The following ATG7 variants were observed in gnomAD, a reference collection of about 807,000 sequenced individuals.
The protein encoded by ATG7 is ubiquitin-like modifier-activating enzyme ATG7.
In ATG7, 70 loss-of-function variants were observed where a neutral mutation model predicts 82.4. That is an observed-to-expected ratio of 0.85 (90% CI 0.70 to 1.04). ATG7 has a LOEUF of 1.04. Ranked by LOEUF, ATG7 falls within the 50% of genes least tolerant of loss-of-function variation. ATG7 has a pLI of 0.00. For missense variants in ATG7, 792 were observed against 864.3 expected (o/e 0.92, Z 1.05); for synonymous variants, 287 against 313.0 (o/e 0.92, Z 0.88).
intron 9 of ATG7, among the ~76,000 whole-genome samples, chr3:11,323,230 C>T (rs1328826318): frequency 6.6e-6 from 1 of 152,170 alleles, no homozygotes; most frequent in African/African-American, 2.4e-5. Flanking sequence ...GTACTACCAC[C>T]ATGGCCAATT....
At chr3:11,328,010 A>G (rs1041400493) in intron 9 of ATG7, among the ~76,000 whole-genome samples, 2 of 152,124 alleles carry the variant, frequency 1.3e-5, no homozygotes, top group African/African-American at 4.8e-5. Context: ...CAGTTCAGAG[A>G]TGTTTTCTTT....
intron 19 of ATG7, among the ~76,000 whole-genome samples, chr3:11,396,453 TG>T (rs2079284591): frequency 6.6e-6 from 1 of 151,666 alleles, no homozygotes; most frequent in African/African-American, 2.4e-5. Flanking sequence ...AAAAAAAATG[TG>T]GGTAACTCTA....
intron 20 of ATG7, among the ~76,000 whole-genome samples, chr3:11,526,341 G>A (rs1035513529): frequency 6.6e-6 from 1 of 152,068 alleles, no homozygotes; most frequent in Non-Finnish European, 1.5e-5. Flanking sequence ...TTAGTGAGCC[G>A]TGATCACTCC....
chr3:11,500,632 T>A (rs1401476156), intron 20 of ATG7, among the ~76,000 whole-genome samples: 1 of 152,160 alleles, frequency 6.6e-6, no homozygotes, highest in African/African-American at 2.4e-5. Context: ...TTAGGAAAAT[T>A]CTTCAACTTA....
Position 11,297,911 on chromosome 3 carries a change from A to G in ATG7, c.-10-775A>G, listed in dbSNP as rs117725121. 3.0e-4 allele frequency among the ~76,000 whole-genome samples: 45 copies of G among 152,328 alleles called. No individual in the cohort carries two copies. In the East Asian group the frequency reaches 4.6e-3, roughly 16 times the overall value. ...TCTGTGTCGAAGAAGGAATAACAGTAGTGCATCAGTCAGACTGACTCAAGG... is the reference window on the plus strand; with the variant it reads ...TCTGTGTCGAAGAAGGAATAACAGTGGTGCATCAGTCAGACTGACTCAAGG... On this transcript the variant is annotated intron_variant, in intron 3 of 20. Transcript: ENST00000693202.
At chr3:11,521,118 A>C (rs897308489) in intron 20 of ATG7, among the ~76,000 whole-genome samples, 1 of 152,212 alleles carries the variant, frequency 6.6e-6, no homozygotes, top group Non-Finnish European at 1.5e-5. Flanking sequence ...ATGCTGAGAC[A>C]TAGTTCCAAC....
chr3:11,311,372 G>A (rs962764062), intron 7 of ATG7, among the ~76,000 whole-genome samples: 2 of 152,078 alleles, frequency 1.3e-5, no homozygotes, highest in Non-Finnish European at 1.5e-5. Context: ...GGGAGGCCGA[G>A]GTAGGCGGAT....
At chr3:11,397,083 A>T (rs2079364528) in intron 19 of ATG7, among the ~76,000 whole-genome samples, 1 of 152,206 alleles carries the variant, frequency 6.6e-6, no homozygotes, top group South Asian at 2.1e-4. Flanking sequence ...ACCCACATGT[A>T]TCAGTAATTA....
intron 20 of ATG7, among the ~76,000 whole-genome samples, chr3:11,509,013 G>T (rs138748477): frequency 2.6e-5 from 4 of 152,332 alleles, no homozygotes; most frequent in African/African-American, 9.6e-5. Context: ...CAGATCCCTT[G>T]AGCAAATGCC....
chr3:11,486,452 A>T (rs1249577130), intron 20 of ATG7, among the ~76,000 whole-genome samples: 2 of 151,930 alleles, frequency 1.3e-5, no homozygotes, highest in Non-Finnish European at 2.9e-5. Flanking sequence ...GACAATGGGG[A>T]TTTCTAGATA....
intron 20 of ATG7, among the ~76,000 whole-genome samples, chr3:11,531,946 C>T (rs1244108712): frequency 6.6e-6 from 1 of 151,736 alleles, no homozygotes; most frequent in Non-Finnish European, 1.5e-5. Context: ...AAGCACTGCG[C>T]TAAACACTTT....
intron 20 of ATG7, among the ~76,000 whole-genome samples, chr3:11,440,674 C>CATTTTTTTTTTTTTTTTT (rs769737485): frequency 4.6e-4 from 18 of 39,494 alleles, no homozygotes; most frequent in African/African-American, 1.6e-3. Context: ...TCCCCATTTG[C>CATTTTTTTTTTTTTTTTT]TTTTTTTTTT....
intron 20 of ATG7, among the ~76,000 whole-genome samples, chr3:11,491,724 T>G (rs1183754055): frequency 6.6e-6 from 1 of 152,184 alleles, no homozygotes; most frequent in Non-Finnish European, 1.5e-5. Context: ...TGTTGGAGTT[T>G]GCTAGAGGTC....
chr3:11,448,286 G>A (rs1462670529), intron 20 of ATG7, among the ~76,000 whole-genome samples: 1 of 152,166 alleles, frequency 6.6e-6, no homozygotes, highest in Non-Finnish European at 1.5e-5. Flanking sequence ...CTCATTCTAG[G>A]CTTTTCCTCC....
At chr3:11,552,704 C>G (rs1285772155) in intron 20 of ATG7, among the ~76,000 whole-genome samples, 1 of 152,208 alleles carries the variant, frequency 6.6e-6, no homozygotes, top group East Asian at 1.9e-4. Flanking sequence ...CACAATAAGT[C>G]TTCTGGGTGT....
intron 9 of ATG7, among the ~76,000 whole-genome samples, chr3:11,322,807 C>A (rs1317847744): frequency 3.9e-5 from 6 of 152,158 alleles, no homozygotes; most frequent in African/African-American, 1.4e-4. Flanking sequence ...TACTGCGTTA[C>A]AGAGTTTGAG....
chr3:11,372,815 T>TGC (rs1043529755), intron 18 of ATG7, among the ~76,000 whole-genome samples: 3 of 79,870 alleles, frequency 3.8e-5, no homozygotes, highest in South Asian at 5.1e-4. Context: ...TGTGTGTGTG[T>TGC]GCGCGCGTGT....
Position 11,439,069 on chromosome 3 carries a change from C to CTTTTT in ATG7, c.2079+12156_2079+12160dup, listed in dbSNP as rs67206280. Among the ~76,000 whole-genome samples the CTTTTT allele has an allele frequency of 3.3e-3, 408 of 121,824 alleles. 4 individuals carry two copies. Among genetic ancestry groups the CTTTTT allele is most frequent in the East Asian group, 4.6e-3 (20 of 4,362 alleles). 79.9% of individuals were successfully genotyped at this position (121,824 alleles called of 152,430 possible). On this transcript the variant is annotated intron_variant, in intron 20 of 20. Coordinates refer to ENST00000693202, the MANE Select transcript of ATG7 (RefSeq NM_001349232.2). ...TATTTTCTTTTTCTTTTCTTTCTTT[C>CTTTTT]TTTTTTTTTTTTTTTTTGAGACAGA... is the stretch of plus-strand genomic sequence containing the variant.
chr3:11,329,217 G>A (rs915786323), intron 9 of ATG7, among the ~76,000 whole-genome samples: 8 of 152,210 alleles, frequency 5.3e-5, no homozygotes, highest in Non-Finnish European at 1.2e-4. Flanking sequence ...TATACACCAA[G>A]ATGTTAATAG....
Sources: gnomAD v4.1 joint callset for allele counts (sites outside exome capture counted in the v4.1 genomes callset) on GRCh38, gnomAD v4.1.1 for gene constraint, MANE v1.5 for transcripts, NCBI Gene and HGNC (gene_info 2026-07-23, HGNC 2026-07-21) for gene names.